The following COL4A1 variants were observed in gnomAD, a reference collection of about 807,000 sequenced individuals.
COL4A1 encodes the protein collagen alpha-1(IV) chain.
COL4A1 carries 40 observed loss-of-function variants against 216.6 expected under a neutral mutation model. The observed-to-expected ratio is 0.18, with a 90% CI of 0.14 to 0.24. The LOEUF (loss-of-function observed/expected upper bound fraction) is 0.24. Among genes scored for constraint, COL4A1 ranks in the 10% least tolerant of loss-of-function variants. COL4A1 has a pLI of 1.00. For synonymous variants in COL4A1, 839 were observed against 810.7 expected (o/e 1.03, Z -0.59); for missense variants, 1,628 against 2,196.8 (o/e 0.74, Z 5.18).
intron 1 of COL4A1, among the ~76,000 whole-genome samples, chr13:110,247,764 CGAA>C (rs1312508853): frequency 7.2e-6 from 1 of 139,262 alleles, no homozygotes; most frequent in East Asian, 2.2e-4. Flanking sequence ...TTAACTGAAC[CGAA>C]GAATACCAGC....
intron 49 of COL4A1, 80 bp from the exon 50 acceptor site, chr13:110,155,477 A>G (rs1876742688): frequency 3.5e-6 from 3 of 853,558 alleles, no homozygotes; most frequent in Non-Finnish European, 6.0e-6. Flanking sequence ...CGTTACCTAC[A>G]CTCAACATCC....
intron 24 of COL4A1, among the ~76,000 whole-genome samples, chr13:110,188,049 T>C (rs753396579): frequency 6.6e-6 from 1 of 152,166 alleles, no homozygotes; most frequent in Non-Finnish European, 1.5e-5. Context: ...CGTTGCTCAG[T>C]TCCTGGAAAG....
chr13:110,192,922 G>A lies in COL4A1; in HGVS notation c.1382-9C>T, dbSNP rs1349588903. On this transcript the variant is annotated splice_polypyrimidine_tract_variant and intron_variant, in intron 22 of 51. Transcript: ENST00000375820. ...ACTCTCTCCTTTTTGACCTAAAAAA[G>A]AAAACACAAAGGTGCTTACGTGTAA... The A allele has an allele frequency of 1.2e-6, 2 of 1,613,784 alleles. No homozygotes were observed. The highest frequency in any genetic ancestry group is 2.7e-5 in the African/African-American group (2 of 74,916).
intron 1 of COL4A1, among the ~76,000 whole-genome samples, chr13:110,302,019 G>C (rs1884513716): frequency 6.6e-6 from 1 of 152,292 alleles, no homozygotes; most frequent in East Asian, 1.9e-4. Context: ...GAGCTGGGAG[G>C]AGGGGCAGGG....
At chr13:110,193,622 C>A (rs550145076) in intron 22 of COL4A1, among the ~76,000 whole-genome samples, 18 of 152,360 alleles carry the variant, frequency 1.2e-4, no homozygotes, top group Non-Finnish European at 2.4e-4. Context: ...CCAGGGACAT[C>A]GAGGCGGCGT....
At chr13:110,267,666 A>G (rs1284092746) in intron 1 of COL4A1, among the ~76,000 whole-genome samples, 1 of 152,204 alleles carries the variant, frequency 6.6e-6, no homozygotes, top group African/African-American at 2.4e-5. Context: ...AAACTGATCT[A>G]TAGCTGGAAA....
intron 50 of COL4A1, 86 bp from the exon 51 acceptor site, chr13:110,152,592 G>A (rs967184256): frequency 6.8e-7 from 1 of 1,468,488 alleles, no homozygotes; most frequent in East Asian, 2.4e-5. Flanking sequence ...AGGCGCCAGG[G>A]TGTTCCCTCT....
At position 110,198,371 on chromosome 13, in the gene COL4A1, T is replaced by C. The variant is rs963932516; in HGVS notation, c.1285+96A>G. On this transcript the variant is annotated intron_variant, in intron 21 of 51. Transcript: ENST00000375820. ...GAATCCACGCCTTTCTATTACACTC[T>C]GGCTGTGGGGGACTATCACAGCCCC... is the stretch of plus-strand genomic sequence containing the variant. 9 of 1,345,212 alleles carry C rather than the reference T, an allele frequency of 6.7e-6. No homozygotes were observed. The Admixed American group carries it at 1.2e-4, about 18-fold the overall frequency. The allele number at this position is 1,345,212 out of a possible 1,614,324, so 83.3% of individuals were successfully genotyped here.
intron 1 of COL4A1, among the ~76,000 whole-genome samples, chr13:110,258,338 GACCAGCC>G (rs1345453624): frequency 6.6e-6 from 1 of 152,146 alleles, no homozygotes; most frequent in African/African-American, 2.4e-5. Flanking sequence ...AGGAGTTCGA[GACCAGCC>G]TGGCCAATAT....
chr13:110,206,207 T>A (rs1475312972), intron 15 of COL4A1, among the ~76,000 whole-genome samples: 2 of 152,242 alleles, frequency 1.3e-5, no homozygotes, highest in African/African-American at 4.8e-5. Flanking sequence ...GGTTTCTGCA[T>A]GCTCCTTCCA....
rs1418788156 is a variant in COL4A1 at position 110,172,736 on chromosome 13, C to T, written c.3540G>A (p.Gly1180=). The T allele has an allele frequency of 1.2e-6, 2 of 1,613,896 alleles. No homozygotes were observed. Among genetic ancestry groups the T allele is most frequent in the Non-Finnish European group, 1.7e-6 (2 of 1,179,916 alleles). The stretch of plus-strand genomic sequence containing the variant: ...AAAGATTACCTTTGTCTCCTTTGGC[C>T]CCTGGAAACCCTGGGAATCCTCTTC... ...LPGRGFPGFP[G]AKGDKGSKGE... The change falls in exon 41 of 52, where the codon GGG becomes GGA. Residue 1180 remains glycine, a synonymous_variant. Transcript: ENST00000375820.
At chr13:110,199,720 G>A (rs144620211) in intron 20 of COL4A1, among the ~76,000 whole-genome samples, 20 of 152,322 alleles carry the variant, frequency 1.3e-4, no homozygotes, top group African/African-American at 2.6e-4. Flanking sequence ...GGAGGGGGAC[G>A]TGGGTAACTC....
At chr13:110,185,776 A>C (rs1429253198) in intron 26 of COL4A1, among the ~76,000 whole-genome samples, 1 of 152,100 alleles carries the variant, frequency 6.6e-6, no homozygotes, top group Non-Finnish European at 1.5e-5. Context: ...GGGAGCCCAC[A>C]CTCATCCCTG....
chr13:110,217,997 G>A (rs1402811311), intron 2 of COL4A1, among the ~76,000 whole-genome samples: 1 of 152,142 alleles, frequency 6.6e-6, no homozygotes, highest in Non-Finnish European at 1.5e-5. Context: ...AATGCTTGTA[G>A]AAACAAGTTC....
chr13:110,173,986 G>A lies in COL4A1; in HGVS notation c.3419C>T (p.Thr1140Ile). 6.2e-7 allele frequency: 1 copy of A among 1,614,128 alleles called. No individual in the cohort carries two copies. The highest frequency in any genetic ancestry group is 1.1e-5 in the South Asian group (1 of 91,082). The stretch of plus-strand genomic sequence containing the variant: ...GCCAGCTGGGCCTGTGGGGCCAGGA[G>A]TCCCAGGAAGACCTCAAAGAGAAAA... ...GVKGEAGLPG[T>I]PGPTGPAGQK... The change falls in exon 40 of 52, where the codon ACT becomes ATT. Residue 1140 changes from threonine to isoleucine, a missense_variant. Thr to Ile is a moderately conservative substitution (Grantham distance 89, BLOSUM62 -1). This residue lies in a region of COL4A1 where 345 missense variants were observed against 476.9 expected (regional missense o/e 0.72). Transcript: ENST00000375820.
chr13:110,152,401 T>A lies in COL4A1; in HGVS notation c.4861A>T (p.Thr1621Ser). 1 of 1,614,118 alleles carries A rather than the reference T, an allele frequency of 6.2e-7. No individual in the cohort carries two copies. The highest frequency in any genetic ancestry group is 8.5e-7 in the Non-Finnish European group (1 of 1,180,020). The change falls in exon 51 of 52, where the codon ACC (threonine) becomes TCC (serine). Residue 1621 changes from threonine (T) to serine (S), a missense_variant. Physicochemically the swap from Thr to Ser is moderately conservative, Grantham distance 58. Around this residue, in one of 8 missense-constraint regions of COL4A1, gnomAD observed 254 missense variants for 300.1 expected, o/e 0.85. Coordinates refer to ENST00000375820, the MANE Select transcript of COL4A1 (RefSeq NM_001845.6). ...APFIECHGRG[T>S]CNYYANAYSF... is the part of the protein sequence containing the mutation. ...TAAGCGTTTGCGTAGTAATTGCAGG[T>A]CCCACGGCCGTGACACTCGATGAAT...
rs576585486 is a variant in COL4A1, at chr13:110,231,228, GACAA to G, written c.144+11443_144+11446del. On this transcript the variant is annotated intron_variant, in intron 2 of 51. Transcript: ENST00000375820. ...ATGGGGACACAGAGAGTCAAACAGC[GACAA>G]ACAGTTTCACACTCATGGAGATGTG... Among the ~76,000 whole-genome samples, 3 of 152,308 alleles carry G rather than the reference GACAA, an allele frequency of 2.0e-5. No individual in the cohort carries two copies. The South Asian group carries it at 6.2e-4, about 32-fold the overall frequency.
intron 1 of COL4A1, among the ~76,000 whole-genome samples, chr13:110,275,104 A>G (rs1173037328): frequency 6.6e-6 from 1 of 152,248 alleles, no homozygotes; most frequent in Admixed American, 6.5e-5. Flanking sequence ...TCTGGGAAAG[A>G]CATTCAAGAG....
intron 42 of COL4A1, among the ~76,000 whole-genome samples, 175 bp from the exon 43 acceptor site, chr13:110,169,937 G>GAGGGAGGGAGGA (rs1376710594): frequency 7.1e-6 from 1 of 140,800 alleles, no homozygotes; most frequent in African/African-American, 2.5e-5. Context: ...AGGAGGGAGG[G>GAGGGAGGGAGGA]AGGGAGGGAA....
Sources: gnomAD v4.1 joint callset for allele counts (sites outside exome capture counted in the v4.1 genomes callset) on GRCh38, gnomAD v4.1.1 for gene constraint, gnomAD v4.1.1 regional missense constraint, MANE v1.5 for transcripts, NCBI Gene and HGNC (gene_info 2026-07-23, HGNC 2026-07-21) for gene names.